CSMD1: variants seen among roughly 807,000 people sequenced by gnomAD.
The protein encoded by CSMD1 is CUB and Sushi multiple domains 1, also known as CUB and sushi domain-containing protein 1.
CSMD1 carries 213 observed loss-of-function variants against 417.5 expected under a neutral mutation model. That is an observed-to-expected ratio of 0.51 (90% CI 0.46 to 0.57). CSMD1 has a LOEUF of 0.57. CSMD1 is among the 20% of genes least tolerant of loss of function. The pLI is 0.00. For synonymous variants in CSMD1, 2,862 were observed against 1,736.8 expected (o/e 1.65, Z -16.11); for missense variants, 6,923 against 4,529.7 (o/e 1.53, Z -15.17).
At chr8:4,974,855 T>C (rs569769678) in intron 1 of CSMD1, among the ~76,000 whole-genome samples, 1 of 152,312 alleles carries the variant, frequency 6.6e-6, no homozygotes, top group Non-Finnish European at 1.5e-5. Flanking sequence ...TTAAGCATTA[T>C]AACTATGTTG....
Position 3,219,342 on chromosome 8 carries a change from T to A in CSMD1, c.4585A>T (p.Arg1529Ter). The A allele has an allele frequency of 6.3e-7, 1 of 1,579,154 alleles. No individual in the cohort carries two copies. The highest frequency in any genetic ancestry group is 8.6e-7 in the Non-Finnish European group (1 of 1,161,472). The stretch of plus-strand genomic sequence containing the variant: ...AGGCTGTTTCCGCTACTCTCTATTC[T>A]TTCTGGGGCCTGAGAGCCCTGGTAA... Reference protein sequence around the residue: ...GSYQGSQAPERIESSGNSLFL... With the variant: ...GSYQGSQAPE Residue 1529 changes from arginine (R) to a stop codon, truncating the protein, a stop_gained, in exon 29 of 70, where the codon AGA becomes TGA. Transcript: ENST00000635120. LOFTEE classifies it high-confidence loss of function.
intron 18 of CSMD1, among the ~76,000 whole-genome samples, chr8:3,377,019 T>A (rs182250930): frequency 6.6e-6 from 1 of 152,234 alleles, no homozygotes; most frequent in South Asian, 2.1e-4. Context: ...AATAGCTCTT[T>A]CTTTGTGGAG....
intron 5 of CSMD1, among the ~76,000 whole-genome samples, chr8:3,761,645 A>C (rs565824032): frequency 1.3e-5 from 2 of 151,410 alleles, no homozygotes; most frequent in Non-Finnish European, 2.9e-5. Context: ...ATCTGGGATT[A>C]TAGGCACAAA....
At chr8:4,572,443 C>G (rs1415236286) in intron 2 of CSMD1, among the ~76,000 whole-genome samples, 3 of 152,156 alleles carry the variant, frequency 2.0e-5, no homozygotes, top group African/African-American at 4.8e-5. Flanking sequence ...TGAATATTGG[C>G]CCCCACTCTC....
intron 3 of CSMD1, among the ~76,000 whole-genome samples, chr8:4,343,166 T>C (rs1382174874): frequency 6.6e-6 from 1 of 152,054 alleles, no homozygotes; most frequent in Non-Finnish European, 1.5e-5. Context: ...ATGTATTTGG[T>C]AAAATACAAG....
chr8:3,546,610 T>G (rs150091483), intron 10 of CSMD1, among the ~76,000 whole-genome samples: 1 of 152,190 alleles, frequency 6.6e-6, no homozygotes, highest in East Asian at 1.9e-4. Context: ...TCAAAAGTTT[T>G]GAATAATACT....
At chr8:3,119,948 G>C (rs954283687) in intron 41 of CSMD1, among the ~76,000 whole-genome samples, 1 of 152,136 alleles carries the variant, frequency 6.6e-6, no homozygotes, top group Non-Finnish European at 1.5e-5. Context: ...TAAAGTCTCC[G>C]AGCTTCTGCA....
chr8:3,823,054 G>C (rs187015277), intron 5 of CSMD1, among the ~76,000 whole-genome samples: 109 of 152,188 alleles, frequency 7.2e-4, no homozygotes, highest in African/African-American at 2.5e-3. Flanking sequence ...TGATTTCTAT[G>C]GTTCCGGAAG....
At chr8:4,602,284 A>G (rs1308414019) in intron 2 of CSMD1, among the ~76,000 whole-genome samples, 1 of 152,156 alleles carries the variant, frequency 6.6e-6, no homozygotes, top group African/African-American at 2.4e-5. Flanking sequence ...AAGAGGAAGA[A>G]AGGGGCCCTG....
At chr8:4,709,555 T>C (rs1006071605) in intron 1 of CSMD1, among the ~76,000 whole-genome samples, 3 of 152,220 alleles carry the variant, frequency 2.0e-5, no homozygotes, top group Non-Finnish European at 4.4e-5. Flanking sequence ...GGAGCCTCTG[T>C]CGTTGCTCAC....
At chr8:3,861,081 T>A (rs1585103689) in intron 5 of CSMD1, among the ~76,000 whole-genome samples, 1 of 152,200 alleles carries the variant, frequency 6.6e-6, no homozygotes, top group Non-Finnish European at 1.5e-5. Flanking sequence ...TCAGCTGTAA[T>A]GCCAACTTCT....
chr8:4,927,010 G>T (rs995044907), intron 1 of CSMD1, among the ~76,000 whole-genome samples: 5 of 151,814 alleles, frequency 3.3e-5, no homozygotes, highest in Non-Finnish European at 5.9e-5. Context: ...CAAAGCAGTA[G>T]ACATCCCGTA....
chr8:4,466,428 T>C (rs1345932229), intron 2 of CSMD1, among the ~76,000 whole-genome samples: 1 of 103,790 alleles, frequency 9.6e-6, no homozygotes, highest in Non-Finnish European at 2.0e-5. Context: ...ACTTTGATAT[T>C]GTCTTCAAAT....
intron 5 of CSMD1, among the ~76,000 whole-genome samples, chr8:3,789,347 C>T (rs1387815012): frequency 6.8e-6 from 1 of 147,258 alleles, no homozygotes; most frequent in Non-Finnish European, 1.5e-5. Context: ...AATAATGTAA[C>T]TTGTGTCTGC....
intron 3 of CSMD1, among the ~76,000 whole-genome samples, chr8:4,409,010 GACAAA>G (rs1554465783): frequency 4.6e-5 from 7 of 152,142 alleles, no homozygotes; most frequent in Non-Finnish European, 1.0e-4. Flanking sequence ...GAACTCTGAA[GACAAA>G]ACAAATATCT....
intron 1 of CSMD1, among the ~76,000 whole-genome samples, chr8:4,731,958 G>C (rs945659029): frequency 6.6e-6 from 1 of 152,116 alleles, no homozygotes; most frequent in Non-Finnish European, 1.5e-5. Context: ...AACAGCAGCA[G>C]TATTAACAAG....
At chr8:3,889,492 T>A (rs962567183) in intron 5 of CSMD1, among the ~76,000 whole-genome samples, 21 of 63,190 alleles carry the variant, frequency 3.3e-4, no homozygotes, top group South Asian at 6.3e-4. Flanking sequence ...TATATATATA[T>A]AAAATATGCT....
Position 3,476,335 on chromosome 8 carries a change from A to C in CSMD1, c.1449-7511T>G, listed in dbSNP as rs74304369. Among the ~76,000 whole-genome samples the C allele has an allele frequency of 4.8e-3, 728 of 152,338 alleles. 16 individuals are homozygous for C. The East Asian group carries it at 0.053, about 11-fold the overall frequency. On this transcript the variant is annotated intron_variant, in intron 11 of 69. Coordinates refer to ENST00000635120, the MANE Select transcript of CSMD1 (RefSeq NM_033225.6). ...GATTTTAGTTCTCTTATAAAAATAT[A>C]CATGTGTTTTTCCAATTCCCTGTCA...
chr8:4,366,441 C>T (rs1319185704), intron 3 of CSMD1, among the ~76,000 whole-genome samples: 1 of 152,140 alleles, frequency 6.6e-6, no homozygotes, highest in Non-Finnish European at 1.5e-5. Context: ...TTTGGGTAAT[C>T]CCAAAGGTGG....
Sources: allele counts gnomAD v4.1 joint callset (sites outside exome capture counted in the v4.1 genomes callset), GRCh38; gene constraint gnomAD v4.1.1; transcripts MANE v1.5; gene names NCBI Gene and HGNC (gene_info 2026-07-23, HGNC 2026-07-21).